The following DCAF10 variants were observed in gnomAD, a reference collection of about 807,000 sequenced individuals.
The protein encoded by DCAF10 is DDB1 and CUL4 associated factor 10, also known as DDB1- and CUL4-associated factor 10.
A neutral mutation model predicts 51.9 loss-of-function variants in DCAF10; 19 were observed. That is an observed-to-expected ratio of 0.37 (90% confidence interval 0.26 to 0.54). DCAF10 has a LOEUF of 0.54. DCAF10 is among the 20% of genes least tolerant of loss of function. The pLI is 0.87. For synonymous variants in DCAF10, 291 were observed against 297.1 expected (o/e 0.98, Z 0.21); for missense variants, 510 against 730.6 (o/e 0.70, Z 3.48).
intron 1 of DCAF10, among the ~76,000 whole-genome samples, chr9:37,813,484 G>A (rs1019023588): frequency 6.6e-6 from 1 of 152,220 alleles, no homozygotes; most frequent in African/African-American, 2.4e-5. Flanking sequence ...TCAACTCAAA[G>A]ATTGCTAGTA....
At chr9:37,833,428 G>A (rs909007815) in intron 2 of DCAF10, among the ~76,000 whole-genome samples, 1 of 152,088 alleles carries the variant, frequency 6.6e-6, no homozygotes, top group Admixed American at 6.5e-5. Flanking sequence ...GTGGGGGATC[G>A]TCTGTAGTTA....
At chr9:37,847,937 G>A (rs893388946) in intron 3 of DCAF10, among the ~76,000 whole-genome samples, 6 of 152,122 alleles carry the variant, frequency 3.9e-5, no homozygotes, top group African/African-American at 1.4e-4. Flanking sequence ...ATTAACAAAA[G>A]AGGTATGAGA....
At chr9:37,803,683 T>C (rs757254169) in intron 1 of DCAF10, among the ~76,000 whole-genome samples, 1 of 145,890 alleles carries the variant, frequency 6.9e-6, no homozygotes, top group Non-Finnish European at 1.5e-5. Context: ...CCTACATTTG[T>C]GTAGGACTTA....
chr9:37,822,005 C>CA (rs1829717074), intron 2 of DCAF10, among the ~76,000 whole-genome samples: 3 of 151,656 alleles, frequency 2.0e-5, no homozygotes, highest in South Asian at 4.1e-4. Flanking sequence ...GACCAACAAA[C>CA]ATATGAAAAA....
chr9:37,820,892 T>A (rs2119059975), intron 2 of DCAF10, among the ~76,000 whole-genome samples: 1 of 152,268 alleles, frequency 6.6e-6, no homozygotes, highest in East Asian at 1.9e-4. Context: ...GACTTTATTT[T>A]AAAAAATAAA....
intron 2 of DCAF10, among the ~76,000 whole-genome samples, chr9:37,838,435 C>T (rs955291994): frequency 1.4e-5 from 2 of 144,186 alleles, no homozygotes; most frequent in African/African-American, 5.4e-5. Context: ...AAAAAACTTA[C>T]ATTAAAAAAA....
chr9:37,826,820 CTTT>C (rs397893920), intron 2 of DCAF10, among the ~76,000 whole-genome samples: 1,470 of 123,708 alleles, frequency 0.012, 18 homozygotes, highest in African/African-American at 0.042. Context: ...ACCACAATAC[CTTT>C]TTTTTTTTTT....
chr9:37,817,155 G>A (rs1029729382), intron 1 of DCAF10, among the ~76,000 whole-genome samples: 2 of 152,116 alleles, frequency 1.3e-5, no homozygotes, highest in Non-Finnish European at 2.9e-5. Context: ...TTGTGTACCA[G>A]CAATAAACAA....
Position 37,814,114 on chromosome 9 carries a change from A to T in DCAF10, c.540-5174A>T, listed in dbSNP as rs1319565702. Among the ~76,000 whole-genome samples, 431 of 84,370 alleles carry T rather than the reference A, an allele frequency of 5.1e-3. 1 individual carries two copies. The highest frequency in any genetic ancestry group is 0.02 in the African/African-American group (402 of 20,400). The allele number at this position is 84,370 out of a possible 152,430, so 55.3% of individuals were successfully genotyped here. The stretch of plus-strand genomic sequence containing the variant: ...TATATATATATATATATATATATAT[A>T]TATATATATATATTTGTTGTTGTTG... On this transcript the variant is annotated intron_variant, in intron 1 of 6. Coordinates refer to ENST00000377724, the MANE Select transcript of DCAF10 (RefSeq NM_024345.5).
chr9:37,810,083 C>T (rs945554813), intron 1 of DCAF10, among the ~76,000 whole-genome samples: 7 of 151,132 alleles, frequency 4.6e-5, no homozygotes, highest in African/African-American at 1.5e-4. Flanking sequence ...ACCTGGGAGG[C>T]GGAGGTTGCA....
At position 37,861,099 on chromosome 9, in the gene DCAF10, G is replaced by C; in HGVS notation, c.1312-41G>C. ...ATAAGGAATATCTGTAGCACTATTT[G>C]GGCTCTGTAACCTTGGTTTGTCTCC... On this transcript the variant is annotated intron_variant, in intron 6 of 6. Transcript: ENST00000377724. This position sits in a 1 kb window ranked among gnomAD's most constrained non-coding sequence, Gnocchi z 4.9. The C allele has an allele frequency of 3.8e-6, 6 of 1,567,940 alleles. No individual in the cohort carries two copies. The highest frequency in any genetic ancestry group is 5.2e-6 in the Non-Finnish European group (6 of 1,153,596).
intron 1 of DCAF10, among the ~76,000 whole-genome samples, chr9:37,805,425 A>T (rs1829082458): frequency 6.6e-6 from 1 of 152,290 alleles, no homozygotes; most frequent in South Asian, 2.1e-4. Context: ...CAGAGGTTGC[A>T]GTGAGCGGAG....
In DCAF10 at chr9:37,854,783, T is replaced by C. The variant is rs1830797266; in HGVS notation, c.855T>C (p.Tyr285=). The part of the protein sequence containing the change: ...GNVIIWDTNR[Y]TEDGCPHKKF... ...GTTGGCTTGGTTTCTCCTGTAGGTA[T>C]ACAGAAGATGGGTGTCCACATAAGA... The change falls in exon 4 of 7, where the codon TAT becomes TAC. Residue 285 remains tyrosine, a synonymous_variant. Transcript: ENST00000377724. The C allele has an allele frequency of 6.2e-7, 1 of 1,613,606 alleles. No individual in the cohort carries two copies. Among genetic ancestry groups the C allele is most frequent in the South Asian group, 1.1e-5 (1 of 90,980 alleles).
intron 2 of DCAF10, among the ~76,000 whole-genome samples, chr9:37,834,275 T>C (rs1373003942): frequency 6.6e-6 from 1 of 152,076 alleles, no homozygotes; most frequent in East Asian, 1.9e-4. Flanking sequence ...AACAGCAACT[T>C]CCAATATCAA....
rs922706221 is a variant in DCAF10, at chr9:37,809,387, A to T, written c.539+7982A>T. On this transcript the variant is annotated intron_variant, in intron 1 of 6. Transcript: ENST00000377724. ...AATCAATCTAAAGAGAGCAGAAGGA[A>T]ATATAGTAAAAAAAAAAAAAAGGTA... is the stretch of plus-strand genomic sequence containing the variant. Among the ~76,000 whole-genome samples, 14 of 143,382 alleles carry T rather than the reference A, an allele frequency of 9.8e-5. No individual in the cohort carries two copies. In the South Asian group the frequency reaches 2.5e-3, roughly 26 times the overall value. 94.1% of individuals were successfully genotyped at this position (143,382 alleles called of 152,430 possible).
Position 37,861,111 on chromosome 9 carries a change from C to A in DCAF10, c.1312-29C>A, listed in dbSNP as rs907754896. ...TGTAGCACTATTTGGGCTCTGTAAC[C>A]TTGGTTTGTCTCCCTTCTCTCCCCC... On this transcript the variant is annotated intron_variant, in intron 6 of 6. Coordinates refer to ENST00000377724, the MANE Select transcript of DCAF10 (RefSeq NM_024345.5). The surrounding 1 kb of genome is among the most constrained non-coding windows in gnomAD (Gnocchi z 4.9). 2 of 1,579,610 alleles carry A rather than the reference C, an allele frequency of 1.3e-6. No homozygotes were observed. Among genetic ancestry groups the A allele is most frequent in the Non-Finnish European group, 1.7e-6 (2 of 1,156,606 alleles).
intron 2 of DCAF10, among the ~76,000 whole-genome samples, chr9:37,828,583 A>T (rs1047944374): frequency 6.6e-6 from 1 of 152,250 alleles, no homozygotes; most frequent in African/African-American, 2.4e-5. Context: ...AGACTTTTTC[A>T]TAAAACTTGA....
intron 1 of DCAF10, among the ~76,000 whole-genome samples, chr9:37,807,622 G>A (rs990099193): frequency 2.9e-4 from 39 of 135,322 alleles, no homozygotes; most frequent in African/African-American, 1.1e-3. Flanking sequence ...TTTTATTTAT[G>A]TTAATTTATA....
rs1216139045 is a variant in DCAF10 at position 37,862,950 on chromosome 9, T to A, written c.*1442T>A. 6 of 152,144 alleles carry A rather than the reference T, an allele frequency of 3.9e-5. No individual in the cohort carries two copies. The highest frequency in any genetic ancestry group is 6.6e-5 in the Admixed American group (1 of 15,264). 9.4% of individuals were successfully genotyped at this position (152,144 alleles called of 1,614,324 possible). On this transcript the variant is annotated 3_prime_UTR_variant, in exon 7 of 7. Transcript: ENST00000377724. ...GCCAGGGGGAGGACAGGAATCTGTA[T>A]TTTTCATAGCAACCTCAAGTAATCT...
Sources: allele counts gnomAD v4.1 joint callset (sites outside exome capture counted in the v4.1 genomes callset), GRCh38; gene constraint gnomAD v4.1.1; non-coding constraint Gnocchi (gnomAD v3.1); transcripts MANE v1.5; gene names NCBI Gene and HGNC (gene_info 2026-07-23, HGNC 2026-07-21).